MLIP: variants seen among roughly 807,000 people sequenced by gnomAD.
The protein encoded by MLIP is muscular LMNA-interacting protein.
A neutral mutation model predicts 84.8 loss-of-function variants in MLIP; 79 were observed. That is an observed-to-expected ratio of 0.93 (90% CI 0.78 to 1.12). The LOEUF is 1.12. Among genes scored for constraint, MLIP ranks in the 50% most tolerant of loss-of-function variants. MLIP has a pLI of 0.00. For missense variants in MLIP, 1,257 were observed against 1,160.6 expected (o/e 1.08, Z -1.21); for synonymous variants, 504 against 463.0 (o/e 1.09, Z -1.14).
chr6:54,139,677 T>C (rs2150492966), intron 4 of MLIP, among the ~76,000 whole-genome samples: 1 of 152,312 alleles, frequency 6.6e-6, no homozygotes, highest in Middle Eastern at 3.4e-3. Flanking sequence ...TTCCCTATTT[T>C]GTACACCAAA....
chr6:54,098,283 T>C (rs1157658116), intron 1 of MLIP, among the ~76,000 whole-genome samples: 1 of 149,372 alleles, frequency 6.7e-6, no homozygotes, highest in African/African-American at 2.5e-5. Flanking sequence ...ACCTCCCAAA[T>C]AGCTAGGACT....
chr6:54,210,751 C>A (rs913706236), intron 11 of MLIP, among the ~76,000 whole-genome samples: 2 of 123,636 alleles, frequency 1.6e-5, no homozygotes, highest in South Asian at 5.5e-4. Flanking sequence ...AAAAAATGTT[C>A]TAATGTTCAA....
In MLIP at chr6:54,065,447, G is replaced by T. The variant is rs1304549701; in HGVS notation, c.63+46356G>T. Among the ~76,000 whole-genome samples, 4 of 100,648 alleles carry T rather than the reference G, an allele frequency of 4.0e-5. No homozygotes were observed. The East Asian group carries it at 1.1e-3, about 27-fold the overall frequency. 66.0% of individuals were successfully genotyped at this position (100,648 alleles called of 152,430 possible). A position where few individuals can be genotyped will look rare whatever the true frequency, so the allele number is the denominator to read the frequency against. Reference sequence around the variant, plus strand: ...AATGTATAAAGGGATTTGCACCAAGGATAAATGTTAACTACATCATTATTT... The same window carrying T: ...AATGTATAAAGGGATTTGCACCAAGTATAAATGTTAACTACATCATTATTT... On this transcript the variant is annotated intron_variant, in intron 1 of 12. Coordinates refer to the MLIP transcript ENST00000274897.
At chr6:54,226,950 A>G (rs946071831) in intron 11 of MLIP, among the ~76,000 whole-genome samples, 11 of 152,278 alleles carry the variant, frequency 7.2e-5, no homozygotes, top group African/African-American at 2.6e-4. Context: ...TTGGAGAATG[A>G]TACGGTTTGG....
At chr6:54,052,069 G>A (rs1194543374) in intron 1 of MLIP, among the ~76,000 whole-genome samples, 1 of 152,082 alleles carries the variant, frequency 6.6e-6, no homozygotes, top group East Asian at 1.9e-4. Context: ...CTCTGTGTTG[G>A]CCTCACTCTT....
intron 1 of MLIP, among the ~76,000 whole-genome samples, chr6:54,043,095 T>C (rs866425419): frequency 6.6e-5 from 10 of 152,150 alleles, no homozygotes; most frequent in African/African-American, 1.9e-4. Flanking sequence ...CAGCACCTCA[T>C]GACACTCCTA....
chr6:54,128,913 A>G (rs1771149651), intron 3 of MLIP, among the ~76,000 whole-genome samples: 1 of 152,100 alleles, frequency 6.6e-6, no homozygotes, highest in South Asian at 2.1e-4. Flanking sequence ...AAGAAGTCTG[A>G]GATGGCAGCA....
At chr6:54,103,153 A>G (rs1424602726) in intron 1 of MLIP, among the ~76,000 whole-genome samples, 1 of 152,100 alleles carries the variant, frequency 6.6e-6, no homozygotes, top group Non-Finnish European at 1.5e-5. Context: ...ACTCCATTTT[A>G]AAAAGATAAC....
chr6:54,223,908 A>C (rs893891209), intron 11 of MLIP, among the ~76,000 whole-genome samples: 1 of 152,102 alleles, frequency 6.6e-6, no homozygotes, highest in African/African-American at 2.4e-5. Context: ...AGAACTGATA[A>C]GATATAGTTA....
chr6:54,236,527 C>T (rs377557955), intron 12 of MLIP, among the ~76,000 whole-genome samples: 3 of 152,132 alleles, frequency 2.0e-5, no homozygotes, highest in East Asian at 1.9e-4. Context: ...GCTTGAACCC[C>T]GGAGGCGGAG....
chr6:54,029,191 T>C (rs1763985482), intron 1 of MLIP: 1 of 152,202 alleles, frequency 6.6e-6, no homozygotes, highest in African/African-American at 2.4e-5. Flanking sequence ...GGAACATCTT[T>C]ATTCTTTTTT....
chr6:54,252,127 CATATAATATATAACTATAATATAACAT>C (rs1562109893), intron 12 of MLIP, among the ~76,000 whole-genome samples: 2 of 93,460 alleles, frequency 2.1e-5, no homozygotes, highest in African/African-American at 1.1e-4. Context: ...TATATTATAA[CATATAATATATAACTATAATATAACAT>C]ATAATATATA....
chr6:54,103,920 C>T (rs1768828889), intron 1 of MLIP, among the ~76,000 whole-genome samples: 1 of 152,086 alleles, frequency 6.6e-6, no homozygotes, highest in African/African-American at 2.4e-5. Context: ...TTGTTCTTTT[C>T]TATTATATGA....
At chr6:54,105,232 A>T (rs952325791) in intron 1 of MLIP, among the ~76,000 whole-genome samples, 1 of 152,112 alleles carries the variant, frequency 6.6e-6, no homozygotes, top group Non-Finnish European at 1.5e-5. Context: ...TATGACTTAC[A>T]AGATGGAATC....
intron 5 of MLIP, among the ~76,000 whole-genome samples, chr6:54,159,452 A>G (rs1447464566): frequency 6.6e-6 from 1 of 152,100 alleles, no homozygotes; most frequent in Non-Finnish European, 1.5e-5. Context: ...ACTCTGGATA[A>G]GAATATAAAA....
intron 11 of MLIP, among the ~76,000 whole-genome samples, chr6:54,218,441 T>A (rs1051475172): frequency 6.6e-6 from 1 of 152,092 alleles, no homozygotes; most frequent in African/African-American, 2.4e-5. Context: ...AATCAGTGAG[T>A]GAGTGGTGAG....
At chr6:54,145,710 A>C (rs1772740454) in intron 4 of MLIP, among the ~76,000 whole-genome samples, 1 of 151,964 alleles carries the variant, frequency 6.6e-6, no homozygotes, top group Non-Finnish European at 1.5e-5. Context: ...CAGGAGTTAG[A>C]GGCTGTAGTG....
chr6:54,091,357 A>T (rs528464232), intron 1 of MLIP, among the ~76,000 whole-genome samples: 8 of 152,216 alleles, frequency 5.3e-5, no homozygotes, highest in African/African-American at 1.9e-4. Context: ...ATGGAAAATT[A>T]TGGAAAATTA....
intron 3 of MLIP, 145 bp downstream of exon 3, chr6:54,125,010 A>G (rs41273900): frequency 1.6e-5 from 10 of 609,870 alleles, no homozygotes; most frequent in Non-Finnish European, 2.7e-5. Flanking sequence ...TCTCAGGGTA[A>G]TAAATCATCA....
Sources: allele counts gnomAD v4.1 joint callset (sites outside exome capture counted in the v4.1 genomes callset), GRCh38; gene constraint gnomAD v4.1.1; transcripts MANE v1.5; gene names NCBI Gene and HGNC (gene_info 2026-07-23, HGNC 2026-07-21).